The following PTPRG variants were observed in gnomAD, a reference collection of about 807,000 sequenced individuals.
PTPRG encodes protein tyrosine phosphatase receptor type G.
Under a neutral mutation model 165.3 loss-of-function variants are expected in PTPRG, and 102 were observed. The observed-to-expected ratio is 0.62, with a 90% confidence interval of 0.53 to 0.73. The LOEUF is 0.73. PTPRG is among the 30% of genes least tolerant of loss of function. The pLI is 0.00. For missense variants in PTPRG, 1,866 were observed against 1,861.4 expected (o/e 1.00, Z -0.05); for synonymous variants, 675 against 669.5 (o/e 1.01, Z -0.13).
intron 16 of PTPRG, among the ~76,000 whole-genome samples, chr3:62,259,717 GCTGTGTTATA>G: frequency 6.6e-6 from 1 of 152,280 alleles, no homozygotes; most frequent in South Asian, 2.1e-4. Context: ...GGATAATAAT[GCTGTGTTATA>G]CTCTCCAAAG....
rs964733657 is a variant in PTPRG at position 61,721,241 on chromosome 3, C to T, written c.86-27637C>T. Among the ~76,000 whole-genome samples the T allele has an allele frequency of 2.0e-5, 3 of 152,134 alleles. No individual in the cohort carries two copies. The East Asian group carries it at 5.8e-4, about 29-fold the overall frequency. On this transcript the variant is annotated intron_variant, in intron 1 of 29. Transcript: ENST00000474889. Reference sequence around the variant, plus strand: ...GTGGGTGACTACATTAGAATTGCAACCTGAACTATTTTAGCGCTTTAAGTA... The same window carrying T: ...GTGGGTGACTACATTAGAATTGCAATCTGAACTATTTTAGCGCTTTAAGTA...
intron 2 of PTPRG, among the ~76,000 whole-genome samples, chr3:61,758,921 G>A (rs183365374): frequency 5.9e-5 from 9 of 152,184 alleles, no homozygotes; most frequent in South Asian, 2.1e-4. Flanking sequence ...GAATTTTCTC[G>A]CTGTTCATTT....
At chr3:62,015,482 T>C (rs139702158) in intron 4 of PTPRG, among the ~76,000 whole-genome samples, 112 of 152,372 alleles carry the variant, frequency 7.4e-4, no homozygotes, top group Non-Finnish European at 1.3e-3. Flanking sequence ...TCCTAACTTA[T>C]ATTTTTTAAC....
rs190440517 is a variant in PTPRG at position 61,952,158 on chromosome 3, C to T, written c.191-37467C>T. ...AAAAAAAAAGACAGTATCAGAATCC[C>T]AGTCTTCCTCAGACCTCATATGTGG... is the stretch of plus-strand genomic sequence containing the variant. On this transcript the variant is annotated intron_variant, in intron 2 of 29. Transcript: ENST00000474889. Among the ~76,000 whole-genome samples, 251 of 150,166 alleles carry T rather than the reference C, an allele frequency of 1.7e-3. 1 individual carries two copies. Among genetic ancestry groups the T allele is most frequent in the Non-Finnish European group, 1.7e-3 (113 of 67,678 alleles).
At position 62,138,276 on chromosome 3, in the gene PTPRG, A is replaced by C. The variant is rs573362787; in HGVS notation, c.682+5608A>C. On this transcript the variant is annotated intron_variant, in intron 6 of 29. Transcript: ENST00000474889. ...CATTAGCAAAAACACAAAGTGAGAA[A>C]TGTGCATTAAAATGATGTGTAACAT... Among the ~76,000 whole-genome samples, 4 of 152,372 alleles carry C rather than the reference A, an allele frequency of 2.6e-5. No homozygotes were observed. The South Asian group carries it at 8.3e-4, about 32-fold the overall frequency.
At chr3:61,959,217 C>T (rs1361079310) in intron 2 of PTPRG, among the ~76,000 whole-genome samples, 2 of 152,158 alleles carry the variant, frequency 1.3e-5, no homozygotes, top group East Asian at 1.9e-4. Context: ...ATATCATGGC[C>T]TTCTCTGGGT....
chr3:61,797,249 C>T (rs1425841487), intron 2 of PTPRG, among the ~76,000 whole-genome samples: 1 of 152,168 alleles, frequency 6.6e-6, no homozygotes, highest in Admixed American at 6.5e-5. Flanking sequence ...ATTTCTTCTT[C>T]ACATTTTAAT....
Position 62,273,956 on chromosome 3 carries a change from T to A in PTPRG, c.3465+112T>A. ...ATGTATACACCGAAATGGATTACTATTTGTACTCCTTGTACTCCTTAAATG... is the reference window on the plus strand; with the variant it reads ...ATGTATACACCGAAATGGATTACTAATTGTACTCCTTGTACTCCTTAAATG... On this transcript the variant is annotated intron_variant, in intron 23 of 29. Transcript: ENST00000474889. The surrounding 1 kb of genome is among the most constrained non-coding windows in gnomAD (Gnocchi z 4.1). 4 of 1,036,154 alleles carry A rather than the reference T, an allele frequency of 3.9e-6. No individual in the cohort carries two copies. Among genetic ancestry groups the A allele is most frequent in the Non-Finnish European group, 5.7e-6 (4 of 707,382 alleles). The allele number at this position is 1,036,154 out of a possible 1,614,324, so 64.2% of individuals were successfully genotyped here. A position where few individuals can be genotyped will look rare whatever the true frequency, so the allele number is the denominator to read the frequency against.
At chr3:61,997,454 T>G (rs1197148702) in intron 3 of PTPRG, among the ~76,000 whole-genome samples, 1 of 152,172 alleles carries the variant, frequency 6.6e-6, no homozygotes, top group Admixed American at 6.5e-5. Flanking sequence ...ACCTGTCACC[T>G]TGGCTTTCTC....
At position 61,571,321 on chromosome 3, in the gene PTPRG, T is replaced by A. The variant is rs573994040; in HGVS notation, c.85+8949T>A. ...TCTAATCATTGCTCAGGATTTTTTT[T>A]AAATTTTATTTCAGACCATTTGCTT... On this transcript the variant is annotated intron_variant, in intron 1 of 29. Transcript: ENST00000474889. Among the ~76,000 whole-genome samples the A allele has an allele frequency of 2.2e-3, 330 of 152,328 alleles. 2 individuals carry two copies. Among genetic ancestry groups the A allele is most frequent in the African/African-American group, 7.0e-3 (291 of 41,566 alleles).
At chr3:61,752,802 GA>G (rs532651498) in intron 2 of PTPRG, among the ~76,000 whole-genome samples, 41 of 103,692 alleles carry the variant, frequency 4.0e-4, no homozygotes, top group African/African-American at 8.3e-4. Flanking sequence ...AAAAAAAAAA[GA>G]AAAAAAAAAA....
intron 2 of PTPRG, among the ~76,000 whole-genome samples, chr3:61,934,400 A>C (rs1285883366): frequency 6.6e-6 from 1 of 151,876 alleles, no homozygotes; most frequent in East Asian, 1.9e-4. Flanking sequence ...CGGTGTGTGC[A>C]TTTGCAATCC....
At chr3:62,036,663 G>A (rs1699949618) in intron 4 of PTPRG, among the ~76,000 whole-genome samples, 1 of 152,100 alleles carries the variant, frequency 6.6e-6, no homozygotes, top group African/African-American at 2.4e-5. Context: ...AACTTCTTGG[G>A]AAGGAAAAAG....
intron 4 of PTPRG, among the ~76,000 whole-genome samples, chr3:62,052,922 T>G (rs1242607210): frequency 6.6e-6 from 1 of 152,188 alleles, no homozygotes; most frequent in Non-Finnish European, 1.5e-5. Flanking sequence ...CAGATACATA[T>G]GCATATCGCT....
intron 2 of PTPRG, among the ~76,000 whole-genome samples, chr3:61,892,154 CT>C (rs1210747023): frequency 6.6e-6 from 1 of 152,082 alleles, no homozygotes; most frequent in Non-Finnish European, 1.5e-5. Context: ...AGAGAGAGAG[CT>C]TATGGAACAT....
In PTPRG at chr3:61,788,261, T is replaced by G. The variant is rs575230234; in HGVS notation, c.190+39279T>G. On this transcript the variant is annotated intron_variant, in intron 2 of 29. Transcript: ENST00000474889. Reference sequence around the variant, plus strand: ...TGATCAGGTGCCTAGGACTATTAGATGTATAATAAATATGTTTCACTTCTC... The same window carrying G: ...TGATCAGGTGCCTAGGACTATTAGAGGTATAATAAATATGTTTCACTTCTC... Among the ~76,000 whole-genome samples, 3 of 152,332 alleles carry G rather than the reference T, an allele frequency of 2.0e-5. No individual in the cohort carries two copies. In the East Asian group the frequency reaches 5.8e-4, roughly 29 times the overall value.
rs143186793 is a variant in PTPRG at position 61,625,005 on chromosome 3, C to T, written c.85+62633C>T. ...CTGTCCAACTTTCTTTTCTTTGGCTCGTGGATGGCTGTCTTCTGCCTGTGT... is the reference window on the plus strand; with the variant it reads ...CTGTCCAACTTTCTTTTCTTTGGCTTGTGGATGGCTGTCTTCTGCCTGTGT... On this transcript the variant is annotated intron_variant, in intron 1 of 29. Transcript: ENST00000474889. 1.8e-3 allele frequency among the ~76,000 whole-genome samples: 278 copies of T among 151,964 alleles called. 3 individuals are homozygous for T. Among genetic ancestry groups the T allele is most frequent in the African/African-American group, 6.3e-3 (263 of 41,450 alleles).
At chr3:62,184,099 A>G (rs1299282704) in intron 8 of PTPRG, among the ~76,000 whole-genome samples, 2 of 152,152 alleles carry the variant, frequency 1.3e-5, no homozygotes, top group Admixed American at 6.5e-5. Context: ...TCTGAAGCCC[A>G]GTGTCATCAT....
At chr3:61,712,186 G>A (rs1040983907) in intron 1 of PTPRG, among the ~76,000 whole-genome samples, 1 of 152,042 alleles carries the variant, frequency 6.6e-6, no homozygotes, top group African/African-American at 2.4e-5. Flanking sequence ...GAGCCACCGC[G>A]CCCGGCCTGT....
Sources: gnomAD v4.1 joint callset for allele counts (sites outside exome capture counted in the v4.1 genomes callset) on GRCh38, gnomAD v4.1.1 for gene constraint, Gnocchi (gnomAD v3.1) non-coding constraint, MANE v1.5 for transcripts, NCBI Gene and HGNC (gene_info 2026-07-23, HGNC 2026-07-21) for gene names.